Variants in MROH6 observed in about 807,000 individuals in gnomAD.
MROH6 encodes maestro heat like repeat family member 6.
A neutral mutation model predicts 67.7 loss-of-function variants in MROH6; 62 were observed. The ratio of observed to expected loss-of-function variants is 0.92; its 90% CI spans 0.75 to 1.13. The LOEUF (loss-of-function observed/expected upper bound fraction) is 1.13. Ranked by LOEUF, MROH6 falls within the 50% of genes most tolerant of loss-of-function variation. The pLI, the probability that MROH6 is intolerant of heterozygous loss-of-function variation, is 0.00. For missense variants in MROH6, 1,175 were observed against 1,029.1 expected, an observed-to-expected ratio of 1.14 and a Z score of -1.94; for synonymous variants, 566 against 470.8, an observed-to-expected ratio of 1.20 and a Z score of -2.62.
chr8:143,568,614 C>A lies in MROH6; in HGVS notation c.1582G>T (p.Val528Leu). The stretch of plus-strand genomic sequence containing the variant: ...AGCAGCGGCACGAGACTCTGCAGCA[C>A]CAGCTTCCGCAGGGGGCCGCGGAGC... Reference protein sequence around the residue: ...LGLRGPLRKLVLQSLVPLLLR... With the variant: ...LGLRGPLRKLLLQSLVPLLLR... The change falls in exon 10 of 14, where the codon GTG (valine) becomes TTG (leucine). Residue 528 changes from valine (V) to leucine (L), a missense_variant. Val to Leu is a conservative substitution (Grantham distance 32). Coordinates refer to ENST00000398882, the MANE Select transcript of MROH6 (RefSeq NM_001100878.2). The A allele has an allele frequency of 6.5e-7, 1 of 1,543,466 alleles. No homozygotes were observed. Among genetic ancestry groups the A allele is most frequent in the Non-Finnish European group, 8.7e-7 (1 of 1,151,024 alleles).
At chr8:143,568,934 G>A in intron 9 of MROH6, 1 of 471,556 alleles carries the variant, frequency 2.1e-6, no homozygotes, top group Non-Finnish European at 3.7e-6. Context: ...GGGTCCGGAA[G>A]GAAAAGTCGA....
Position 143,567,675 on chromosome 8 carries a change from G to C in MROH6, c.1869C>G (p.Gly623=). 1 of 1,578,944 alleles carries C rather than the reference G, an allele frequency of 6.3e-7. No homozygotes were observed. The highest frequency in any genetic ancestry group is 8.6e-7 in the Non-Finnish European group (1 of 1,163,256). The change falls in exon 13 of 14, where the codon GGC becomes GGG. Residue 623 remains glycine, a splice_region_variant and synonymous_variant. Coordinates refer to ENST00000398882, the MANE Select transcript of MROH6 (RefSeq NM_001100878.2). The part of the protein sequence containing the change: ...PLRRAAAVLI[G]FLVHHASPGC... ...CGGGGCTGGCGTGGTGGACAAGGAAGCCTGGACCACAGCAGATGCATGAGT... is the reference window on the plus strand; with the variant it reads ...CGGGGCTGGCGTGGTGGACAAGGAACCCTGGACCACAGCAGATGCATGAGT...
chr8:143,567,416 CG>C lies in MROH6; in HGVS notation c.1982del (p.Ala661GlyfsTer158). The C allele has an allele frequency of 7.6e-7, 1 of 1,318,214 alleles. No individual in the cohort carries two copies. Among genetic ancestry groups the C allele is most frequent in the Non-Finnish European group, 9.7e-7 (1 of 1,033,424 alleles). The allele number at this position is 1,318,214 out of a possible 1,614,324, so 81.7% of individuals were successfully genotyped here. On this transcript the variant is annotated frameshift_variant, in exon 14 of 14. Transcript: ENST00000398882. LOFTEE classifies it low-confidence loss of function (END_TRUNC). ...SDPKPAVAAA[A>X]HVSAQQVAML... ...TCGCCACCTGCTGAGCGGACACGTG[CG>C]CTGCCGCGGCCACAGCCGGCTTGGG...
At position 143,572,094 on chromosome 8, in the gene MROH6, T is replaced by G; in HGVS notation, c.386A>C (p.Gln129Pro). The G allele has an allele frequency of 6.2e-7, 1 of 1,612,846 alleles. No homozygotes were observed. Among genetic ancestry groups the G allele is most frequent in the East Asian group, 2.2e-5 (1 of 44,872 alleles). ...CLEEAGFAGT[Q>P]ATVLTLSSAL... ...TGAGGACAGGGTGAGCACTGTCGCC[T>G]GGGTCCCTGCAAAGCCAGCCTCCTC... Residue 129 changes from glutamine to proline, a missense_variant, in exon 2 of 14, where the codon CAG (glutamine) becomes CCG (proline). Coordinates refer to ENST00000398882, the MANE Select transcript of MROH6 (RefSeq NM_001100878.2).
At chr8:143,568,403 G>A (rs72691473) in intron 10 of MROH6, 142 bp from the exon 11 acceptor site, 936 of 1,431,718 alleles carry the variant, frequency 6.5e-4, no homozygotes, top group Non-Finnish European at 7.9e-4. Context: ...CTCAAGGGAA[G>A]AGCAGTAGTA....
In MROH6 at chr8:143,568,692, C is replaced by T. The variant is rs1404385805; in HGVS notation, c.1504G>A (p.Val502Ile). The T allele has an allele frequency of 2.7e-6, 4 of 1,507,518 alleles. No individual in the cohort carries two copies. The highest frequency in any genetic ancestry group is 2.5e-5 in the East Asian group (1 of 40,056). The allele number at this position is 1,507,518 out of a possible 1,614,324, so 93.4% of individuals were successfully genotyped here. A position where few individuals can be genotyped will look rare whatever the true frequency, so the allele number is the denominator to read the frequency against. Residue 502 changes from valine (V) to isoleucine (I), a missense_variant, in exon 10 of 14, where the codon GTC (valine) becomes ATC (isoleucine). Transcript: ENST00000398882. ...DTRDSIRASA[V>I]GLLGTLVRRG... ...CGCACCAGAGTCCCAAGGAGCCCGA[C>T]GGCCGAGGCGCGGATTGAGTCCCGT... is the stretch of plus-strand genomic sequence containing the variant.
intron 3 of MROH6, among the ~76,000 whole-genome samples, 191 bp downstream of exon 3, chr8:143,571,476 G>A (rs1193528544): frequency 1.3e-5 from 2 of 152,238 alleles, no homozygotes; most frequent in Non-Finnish European, 2.9e-5. Flanking sequence ...TCTGTGGCAG[G>A]AGTGTGGGGG....
intron 13 of MROH6, 52 bp from the exon 14 acceptor site, chr8:143,567,517 G>C: frequency 6.9e-7 from 1 of 1,448,934 alleles, no homozygotes; most frequent in Non-Finnish European, 9.2e-7. Context: ...CCGAGTGCCC[G>C]GGCCCCTGGC....
At chr8:143,571,847 G>T in intron 2 of MROH6, 26 bp from the exon 3 acceptor site, 1 of 1,531,404 alleles carries the variant, frequency 6.5e-7, no homozygotes, top group Non-Finnish European at 8.8e-7. Context: ...GCAGACTTCA[G>T]CAGTCAGGCC....
rs747862668 is a variant in MROH6, at chr8:143,570,217, C to G, written c.1043+26G>C. On this transcript the variant is annotated intron_variant, in intron 6 of 13. Transcript: ENST00000398882. ...ACGACTCTCTTCCTGGTGTGACACC[C>G]TGGGGCCCCTCCTCACCCTCCTCAC... 4.5e-6 allele frequency: 7 copies of G among 1,563,702 alleles called. No homozygotes were observed. The East Asian group carries it at 9.0e-5, about 20-fold the overall frequency.
intron 6 of MROH6, 57 bp downstream of exon 6, chr8:143,570,186 C>A: frequency 6.4e-7 from 1 of 1,557,554 alleles, no homozygotes; most frequent in Non-Finnish European, 8.7e-7. Context: ...CAGCACCTGG[C>A]CAGCAACGAC....
In MROH6 at chr8:143,569,547, A is replaced by G; in HGVS notation, c.1370T>C (p.Val457Ala). 1 of 1,532,652 alleles carries G rather than the reference A, an allele frequency of 6.5e-7. No individual in the cohort carries two copies. Among genetic ancestry groups the G allele is most frequent in the Non-Finnish European group, 8.7e-7 (1 of 1,145,868 alleles). The allele number at this position is 1,532,652 out of a possible 1,614,324, so 94.9% of individuals were successfully genotyped here. Residue 457 changes from valine to alanine, a missense_variant, in exon 9 of 14, where the codon GTG (valine) becomes GCG (alanine). Coordinates refer to ENST00000398882, the MANE Select transcript of MROH6 (RefSeq NM_001100878.2). ...GALGEGDARL[V>A]GAALGALRRL... ...CCTCAGGGCGCCCAGCGCTGCACCC[A>G]CGAGCCGCGCGTCGCCTTCGCCCAG...
rs557759069 is a variant in MROH6 at position 143,570,405 on chromosome 8, T to TGGGCAGTGGGAGCTGAGA, written c.906-43_906-26dup. ...GCTGGTGGTGGGGACAGTGAGCAGG[T>TGGGCAGTGGGAGCTGAGA]GGGCAGTGGGAGCTGAGAGGGTGAC... On this transcript the variant is annotated intron_variant, in intron 5 of 13. Coordinates refer to ENST00000398882, the MANE Select transcript of MROH6 (RefSeq NM_001100878.2). The TGGGCAGTGGGAGCTGAGA allele has an allele frequency of 3.5e-3, 5,627 of 1,606,174 alleles. 23 individuals are homozygous for TGGGCAGTGGGAGCTGAGA. The highest frequency in any genetic ancestry group is 7.6e-3 in the South Asian group (681 of 90,124).
chr8:143,568,319 G>A (rs1823754804), intron 10 of MROH6, 58 bp from the exon 11 acceptor site: 1 of 1,551,814 alleles, frequency 6.4e-7, no homozygotes, highest in East Asian at 2.4e-5. Context: ...GCAAAAGGTG[G>A]GGTGGGAAGA....
chr8:143,571,657 G>C lies in MROH6; in HGVS notation c.602+10C>G. The C allele has an allele frequency of 6.4e-7, 1 of 1,560,962 alleles. No individual in the cohort carries two copies. The highest frequency in any genetic ancestry group is 8.7e-7 in the Non-Finnish European group (1 of 1,153,298). ...GCGTGGGGACCGCAGGGCCAGGACG[G>C]TTGGGTTACCGATCGGCGGGCAGAG... On this transcript the variant is annotated intron_variant, in intron 3 of 13. Transcript: ENST00000398882.
In MROH6 at chr8:143,572,551, T is replaced by A; in HGVS notation, c.164A>T (p.Glu55Val). 6.2e-7 allele frequency: 1 copy of A among 1,606,992 alleles called. No individual in the cohort carries two copies. Among genetic ancestry groups the A allele is most frequent in the Non-Finnish European group, 8.5e-7 (1 of 1,177,758 alleles). The change falls in exon 1 of 14, where the codon GAG becomes GTG. Residue 55 changes from glutamate to valine, a missense_variant. By Grantham distance (121) the Glu-to-Val change is moderately radical. Transcript: ENST00000398882. ...GGCGGTGAGTGCCTGGGTCTGTGGC[T>A]CAGCCTCAGGTTTGACCTCCCAGGA... Reference protein sequence around the residue: ...PKSWEVKPEAEPQTQALTAPS... With the variant: ...PKSWEVKPEAVPQTQALTAPS...
In MROH6 at chr8:143,567,375, C is replaced by CG. The variant is rs1277746100; in HGVS notation, c.2023dup (p.Arg675ProfsTer65). 8.1e-7 allele frequency: 1 copy of CG among 1,235,534 alleles called. No homozygotes were observed. Among genetic ancestry groups the CG allele is most frequent in the Non-Finnish European group, 1.0e-6 (1 of 989,244 alleles). The allele number at this position is 1,235,534 out of a possible 1,614,324, so 76.5% of individuals were successfully genotyped here. A position where few individuals can be genotyped will look rare whatever the true frequency, so the allele number is the denominator to read the frequency against. On this transcript the variant is annotated frameshift_variant, in exon 14 of 14. Transcript: ENST00000398882. LOFTEE classifies it low-confidence loss of function (END_TRUNC). Reference sequence around the variant, plus strand: ...AAGGCGGGGCCCGCGGGGGCAGCCCCGGGCACGGGCCAGCATCGCCACCTG... The same window carrying CG: ...AAGGCGGGGCCCGCGGGGGCAGCCCCGGGGCACGGGCCAGCATCGCCACCTG...
rs749213530 is a variant in MROH6, at chr8:143,572,663, C to A, written c.52G>T (p.Ala18Ser). 1 of 1,550,976 alleles carries A rather than the reference C, an allele frequency of 6.4e-7. No individual in the cohort carries two copies. The highest frequency in any genetic ancestry group is 1.2e-5 in the South Asian group (1 of 86,132). Reference protein sequence around the residue: ...RSRAREAPVGALTLTALTEGI... With the variant: ...RSRAREAPVGSLTLTALTEGI... ...TCAGTCAGTGCTGTCAGGGTTAGAG[C>A]CCCCACGGGAGCCTCCCGGGCCCGG... Residue 18 changes from alanine to serine, a missense_variant, in exon 1 of 14, where the codon GCT becomes TCT. By Grantham distance (99) the Ala-to-Ser change is moderately conservative (BLOSUM62 1). Coordinates refer to ENST00000398882, the MANE Select transcript of MROH6 (RefSeq NM_001100878.2).
At position 143,567,423 on chromosome 8, in the gene MROH6, G is replaced by T; in HGVS notation, c.1976C>A (p.Ala659Glu). 1 of 1,322,402 alleles carries T rather than the reference G, an allele frequency of 7.6e-7. No individual in the cohort carries two copies. Among genetic ancestry groups the T allele is most frequent in the Non-Finnish European group, 9.7e-7 (1 of 1,035,148 alleles). 81.9% of individuals were successfully genotyped at this position (1,322,402 alleles called of 1,614,324 possible). ...CTGCTGAGCGGACACGTGCGCTGCCGCGGCCACAGCCGGCTTGGGGTCGCT... is the reference window on the plus strand; with the variant it reads ...CTGCTGAGCGGACACGTGCGCTGCCTCGGCCACAGCCGGCTTGGGGTCGCT... ...LQSDPKPAVAAAAHVSAQQVA... is the reference protein window; with the variant it reads ...LQSDPKPAVAEAAHVSAQQVA... Residue 659 changes from alanine to glutamate, a missense_variant, in exon 14 of 14, where the codon GCG (alanine) becomes GAG (glutamate). Coordinates refer to ENST00000398882, the MANE Select transcript of MROH6 (RefSeq NM_001100878.2).
Sources: allele counts gnomAD v4.1 joint callset (sites outside exome capture counted in the v4.1 genomes callset), GRCh38; gene constraint gnomAD v4.1.1; transcripts MANE v1.5; gene names NCBI Gene and HGNC (gene_info 2026-07-23, HGNC 2026-07-21).